CDHR2: variants seen among roughly 807,000 people sequenced by gnomAD.
The protein encoded by CDHR2 is cadherin-related family member 2.
In CDHR2, 104 loss-of-function variants were observed where a neutral mutation model predicts 138.6. That is an observed-to-expected ratio of 0.75 (90% CI 0.64 to 0.88). The LOEUF (loss-of-function observed/expected upper bound fraction) is 0.88. Ranked by LOEUF, CDHR2 falls within the 40% of genes least tolerant of loss-of-function variation. CDHR2 has a pLI of 0.00. For missense variants in CDHR2, 1,624 were observed against 1,727.6 expected, an observed-to-expected ratio of 0.94 and a Z score of 1.06; for synonymous variants, 755 against 742.8, an observed-to-expected ratio of 1.02 and a Z score of -0.27.
rs745936554 is a variant in CDHR2 at position 176,554,123 on chromosome 5, C to T, written c.-16+4709C>T. On this transcript the variant is annotated intron_variant, in intron 1 of 31. Transcript: ENST00000261944. ...GTGGGCTGTCCCCAGCTGTCATCTC[C>T]GGGGTTCTTGGCAAGCCAGCATTTT... is the stretch of plus-strand genomic sequence containing the variant. Among the ~76,000 whole-genome samples, 29 of 152,210 alleles carry T rather than the reference C, an allele frequency of 1.9e-4. 1 individual carries two copies. Among genetic ancestry groups the T allele is most frequent in the Non-Finnish European group, 3.2e-4 (22 of 68,036 alleles).
At chr5:176,545,784 G>A (rs1757574288), upstream of CDHR2, among the ~76,000 whole-genome samples, 1 of 152,226 alleles carries the variant, frequency 6.6e-6, no homozygotes, top group South Asian at 2.1e-4. Context: ...GCTCCGTGAA[G>A]CCAACCCTGG....
At chr5:176,559,800 T>TC (rs1238909288) in intron 1 of CDHR2, among the ~76,000 whole-genome samples, 6 of 152,004 alleles carry the variant, frequency 3.9e-5, no homozygotes, top group Non-Finnish European at 7.4e-5. Context: ...ATCTGGCCCC[T>TC]CCCCCATCAG....
intron 1 of CDHR2, among the ~76,000 whole-genome samples, chr5:176,563,629 C>T (rs756808806): frequency 4.7e-4 from 72 of 152,084 alleles, no homozygotes; most frequent in Non-Finnish European, 8.5e-4. Context: ...TTCAGTCCTG[C>T]GAACTCTATT....
Position 176,589,174 on chromosome 5 carries a change from GAGCATTC to G in CDHR2, c.3003_3008+1del, listed in dbSNP as rs780917825. The G allele has an allele frequency of 3.2e-5, 51 of 1,614,118 alleles. No individual in the cohort carries two copies. Among genetic ancestry groups the G allele is most frequent in the Non-Finnish European group, 4.2e-5 (50 of 1,179,984 alleles). Reference sequence around the variant, plus strand: ...CCTCCGAGGCCGACGTGTTCGCTGGGAGCATTCAGTAACTGCGGGCGGCCCCGGGAGG... The same window carrying G: ...CCTCCGAGGCCGACGTGTTCGCTGGGAGTAACTGCGGGCGGCCCCGGGAGG... On this transcript the variant is annotated frameshift_variant and splice_region_variant, in exon 22 of 32. Transcript: ENST00000261944. LOFTEE classifies it high-confidence loss of function.
chr5:176,560,007 C>T (rs995119230), intron 1 of CDHR2, among the ~76,000 whole-genome samples: 5 of 152,194 alleles, frequency 3.3e-5, no homozygotes, highest in Admixed American at 2.6e-4. Flanking sequence ...GAAGGCAAGG[C>T]GCTTGCTGTC....
At chr5:176,586,309 C>T (rs1561879757) in intron 20 of CDHR2, among the ~76,000 whole-genome samples, 3 of 152,256 alleles carry the variant, frequency 2.0e-5, no homozygotes, top group Non-Finnish European at 4.4e-5. Flanking sequence ...AATTCTCATG[C>T]CTTAGCCTCC....
rs775442382 is a variant in CDHR2 at position 176,578,005 on chromosome 5, C to T, written c.1513-29C>T. 6 of 1,598,376 alleles carry T rather than the reference C, an allele frequency of 3.8e-6. No homozygotes were observed. The South Asian group carries it at 5.6e-5, about 15-fold the overall frequency. On this transcript the variant is annotated intron_variant, in intron 14 of 31. Coordinates refer to ENST00000261944, the MANE Select transcript of CDHR2 (RefSeq NM_017675.6). ...TGGCGGTGCGTGCATCGCCTCCACACAGCACCCTGCCATGTCTCTGCCTCA... is the reference window on the plus strand; with the variant it reads ...TGGCGGTGCGTGCATCGCCTCCACATAGCACCCTGCCATGTCTCTGCCTCA...
Position 176,578,470 on chromosome 5 carries a change from C to T in CDHR2, c.1680C>T (p.Ala560=). Reference sequence around the variant, plus strand: ...CCGTGTACTACCTGACGCTGCAGGCCACAGACGGCGGGAACCTGTCCTCCT... The same window carrying T: ...CCGTGTACTACCTGACGCTGCAGGCTACAGACGGCGGGAACCTGTCCTCCT... The part of the protein sequence containing the change: ...SQAVYYLTLQ[A]TDGGNLSSST... Residue 560 remains alanine, a synonymous_variant, in exon 16 of 32, where the codon GCC becomes GCT. Transcript: ENST00000261944. 6.2e-7 allele frequency: 1 copy of T among 1,613,930 alleles called. No homozygotes were observed. The highest frequency in any genetic ancestry group is 8.5e-7 in the Non-Finnish European group (1 of 1,179,854).
chr5:176,552,634 T>C (rs916985273), intron 1 of CDHR2, among the ~76,000 whole-genome samples: 1 of 152,208 alleles, frequency 6.6e-6, no homozygotes, highest in African/African-American at 2.4e-5. Context: ...ACTGTGCTTT[T>C]TCCCCAAGTG....
At chr5:176,590,387 C>G (rs1228052258) in intron 26 of CDHR2, 38 bp from the exon 27 acceptor site, 1 of 1,614,190 alleles carries the variant, frequency 6.2e-7, no homozygotes, top group Non-Finnish European at 8.5e-7. Context: ...CTGGGGTGTG[C>G]CAAGGTCCCT....
chr5:176,586,540 C>T (rs965811322), intron 20 of CDHR2: 5 of 532,562 alleles, frequency 9.4e-6, no homozygotes, highest in Non-Finnish European at 1.7e-5. Flanking sequence ...TAATGTCTGG[C>T]CCTGGGCCAG....
At chr5:176,587,558 G>C (rs575142928) in intron 21 of CDHR2, among the ~76,000 whole-genome samples, 2 of 152,340 alleles carry the variant, frequency 1.3e-5, no homozygotes, top group South Asian at 4.1e-4. Flanking sequence ...GCCATGCCGT[G>C]TGGGGATGAG....
intron 17 of CDHR2, among the ~76,000 whole-genome samples, chr5:176,583,606 G>A (rs1428239079): frequency 2.0e-5 from 3 of 151,008 alleles, no homozygotes; most frequent in South Asian, 2.1e-4. Flanking sequence ...TGCCCAGTGG[G>A]CTAGGGCTGG....
At chr5:176,564,247 G>T (rs753186093) in intron 1 of CDHR2, among the ~76,000 whole-genome samples, 4 of 152,096 alleles carry the variant, frequency 2.6e-5, no homozygotes, top group Non-Finnish European at 5.9e-5. Flanking sequence ...ATGCGATGGC[G>T]TGATCTCATC....
At chr5:176,544,121 G>T (rs190143796) in intron 1 of CDHR2, among the ~76,000 whole-genome samples, 1 of 152,372 alleles carries the variant, frequency 6.6e-6, no homozygotes, top group Admixed American at 6.5e-5. Flanking sequence ...CAACCAGGTC[G>T]TCTGCTTAGC....
chr5:176,585,128 C>A, intron 19 of CDHR2, 113 bp downstream of exon 19: 5 of 1,285,054 alleles, frequency 3.9e-6, no homozygotes, highest in Non-Finnish European at 5.2e-6. Flanking sequence ...CCAGCCCTTT[C>A]CAGCTGCAAA....
In CDHR2 at chr5:176,591,425, C is replaced by A; in HGVS notation, c.3675C>A (p.Leu1225=). ...NTERANPMLN[L]PNKDLGLEYL... ...CCAGAGCCAACCCCATGCTGAACCT[C>A]CCCAACAAAGACCTGGGCTTGGAGT... The change falls in exon 30 of 32, where the codon CTC becomes CTA. Residue 1225 remains leucine (L), a synonymous_variant. Transcript: ENST00000261944. 1 of 1,614,056 alleles carries A rather than the reference C, an allele frequency of 6.2e-7. No individual in the cohort carries two copies. The highest frequency in any genetic ancestry group is 8.5e-7 in the Non-Finnish European group (1 of 1,180,002).
chr5:176,561,641 C>CTTTT (rs397772792), intron 1 of CDHR2, among the ~76,000 whole-genome samples: 6 of 130,370 alleles, frequency 4.6e-5, no homozygotes, highest in African/African-American at 1.7e-4. Flanking sequence ...GAGTTGGGTT[C>CTTTT]TTTTTTTTTT....
At chr5:176,570,943 C>T (rs1758212150) in intron 5 of CDHR2, among the ~76,000 whole-genome samples, 1 of 117,998 alleles carries the variant, frequency 8.5e-6, no homozygotes, top group Admixed American at 8.9e-5. Flanking sequence ...AAGAATGAAA[C>T]TCTGTCTAAA....
Sources: gnomAD v4.1 joint callset for allele counts (sites outside exome capture counted in the v4.1 genomes callset) on GRCh38, gnomAD v4.1.1 for gene constraint, MANE v1.5 for transcripts, NCBI Gene and HGNC (gene_info 2026-07-23, HGNC 2026-07-21) for gene names.